Variants in NSUN6 observed in about 807,000 individuals in gnomAD.
NSUN6 encodes tRNA (cytosine(72)-C(5))-methyltransferase NSUN6.
NSUN6 carries 64 observed loss-of-function variants against 58.0 expected under a neutral mutation model. The observed-to-expected ratio is 1.10, with a 90% CI of 0.90 to 1.36. The LOEUF (loss-of-function observed/expected upper bound fraction) is 1.36. NSUN6 is among the 40% of genes most tolerant of loss of function. The pLI, the probability that NSUN6 is intolerant of heterozygous loss-of-function variation, is 0.00. For synonymous variants in NSUN6, 231 were observed against 193.9 expected, an observed-to-expected ratio of 1.19 and a Z score of -1.59; for missense variants, 701 against 550.1, an observed-to-expected ratio of 1.27 and a Z score of -2.74.
rs776075547 is a variant in NSUN6, at chr10:18,609,935, T to C, written c.576-9A>G. On this transcript the variant is annotated splice_polypyrimidine_tract_variant and intron_variant, in intron 5 of 10. Transcript: ENST00000377304. The stretch of plus-strand genomic sequence containing the variant: ...TTCTTATGCCCATGCCTCTGAAAAA[T>C]AGGAAATCTAACATTAGTCTGTATA... 6.4e-5 allele frequency: 98 copies of C among 1,532,858 alleles called. No individual in the cohort carries two copies. Among genetic ancestry groups the C allele is most frequent in the Non-Finnish European group, 8.0e-5 (88 of 1,106,592 alleles). 95.0% of individuals were successfully genotyped at this position (1,532,858 alleles called of 1,614,324 possible).
At chr10:18,602,662 G>A (rs1293249384) in intron 6 of NSUN6, among the ~76,000 whole-genome samples, 12 of 152,084 alleles carry the variant, frequency 7.9e-5, no homozygotes, top group East Asian at 1.9e-4. Flanking sequence ...GAGCCACCGC[G>A]CCCAGCCTAT....
intron 8 of NSUN6, among the ~76,000 whole-genome samples, chr10:18,571,037 C>T (rs975733967): frequency 1.3e-5 from 2 of 150,478 alleles, no homozygotes; most frequent in African/African-American, 4.9e-5. Context: ...CCATTCTCTA[C>T]TTTCCATTCC....
At chr10:18,578,069 C>T (rs1245064068) in intron 8 of NSUN6, among the ~76,000 whole-genome samples, 7 of 152,096 alleles carry the variant, frequency 4.6e-5, no homozygotes, top group East Asian at 1.9e-4. Flanking sequence ...ATTGTATATT[C>T]GAGTGCTATT....
chr10:18,595,902 A>C (rs1025308562), intron 7 of NSUN6, among the ~76,000 whole-genome samples: 2 of 152,222 alleles, frequency 1.3e-5, no homozygotes, highest in African/African-American at 4.8e-5. Context: ...ATATATTTTA[A>C]TAGTTTAAAC....
At chr10:18,629,625 T>A in intron 3 of NSUN6, among the ~76,000 whole-genome samples, 1 of 151,052 alleles carries the variant, frequency 6.6e-6, no homozygotes. Context: ...TAAAACAGAC[T>A]TTAAACCAAC....
chr10:18,652,883 A>G, upstream of NSUN6: 1 of 984,750 alleles, frequency 1.0e-6, no homozygotes, highest in Non-Finnish European at 1.2e-6. Flanking sequence ...TAAAGAGTAA[A>G]TCAAGGTTCC....
chr10:18,620,479 C>T (rs974694791), intron 3 of NSUN6, among the ~76,000 whole-genome samples: 2 of 152,312 alleles, frequency 1.3e-5, no homozygotes, highest in East Asian at 1.9e-4. Flanking sequence ...CCAACTTCTT[C>T]AGTTTCATCT....
upstream of NSUN6, chr10:18,653,401 T>G: frequency 1.3e-6 from 1 of 791,756 alleles, no homozygotes; most frequent in Non-Finnish European, 1.5e-6. Flanking sequence ...AGATGGAGTC[T>G]CATTCTGTCG....
In NSUN6 at chr10:18,548,365, G is replaced by A. The variant is rs191084123; in HGVS notation, c.1072-128C>T. The A allele has an allele frequency of 3.9e-3, 2,976 of 758,036 alleles. 5 individuals carry two copies. The highest frequency in any genetic ancestry group is 5.4e-3 in the Non-Finnish European group (2,643 of 492,050). The allele number at this position is 758,036 out of a possible 1,614,324, so 47.0% of individuals were successfully genotyped here. A position where few individuals can be genotyped will look rare whatever the true frequency, so the allele number is the denominator to read the frequency against. On this transcript the variant is annotated intron_variant, in intron 9 of 10. Coordinates refer to ENST00000377304, the MANE Select transcript of NSUN6 (RefSeq NM_182543.5). ...ATAAAATGATGTTCTATGTGACAAG[G>A]ATTCCTTCTGTAATTAGAGTATGCA...
At chr10:18,653,922 C>T (rs2059749016), upstream of NSUN6, among the ~76,000 whole-genome samples, 1 of 152,138 alleles carries the variant, frequency 6.6e-6, no homozygotes, top group South Asian at 2.1e-4. Flanking sequence ...AGGACTGAAA[C>T]AATTTTTGAT....
At position 18,548,126 on chromosome 10, in the gene NSUN6, G is replaced by GA. The variant is rs770546375; in HGVS notation, c.1182dup (p.Gln395SerfsTer22). On this transcript the variant is annotated frameshift_variant, in exon 10 of 11. Coordinates refer to ENST00000377304, the MANE Select transcript of NSUN6 (RefSeq NM_182543.5). LOFTEE classifies it high-confidence loss of function. Reference sequence around the variant, plus strand: ...ATTACTCCTACCTGGGGCTGAAGCTGAAGGCAAGGAAATTTTGTCAGGGCC... The same window carrying GA: ...ATTACTCCTACCTGGGGCTGAAGCTGAAAGGCAAGGAAATTTTGTCAGGGCC... 1.2e-6 allele frequency: 2 copies of GA among 1,613,874 alleles called. No homozygotes were observed. Among genetic ancestry groups the GA allele is most frequent in the South Asian group, 2.2e-5 (2 of 91,056 alleles).
At chr10:18,651,018 G>A in intron 1 of NSUN6, 111 bp downstream of exon 1, 1 of 1,275,138 alleles carries the variant, frequency 7.8e-7, no homozygotes, top group South Asian at 1.4e-5. Flanking sequence ...TAGACAAGTA[G>A]TAAGGAACGA....
At chr10:18,604,481 T>C (rs2057971064) in intron 6 of NSUN6, among the ~76,000 whole-genome samples, 1 of 152,156 alleles carries the variant, frequency 6.6e-6, no homozygotes, top group Admixed American at 6.5e-5. Context: ...GGAATCCAAA[T>C]TTCCTGGGAA....
chr10:18,622,511 C>T (rs536378029), intron 3 of NSUN6, among the ~76,000 whole-genome samples: 1 of 152,248 alleles, frequency 6.6e-6, no homozygotes, highest in Non-Finnish European at 1.5e-5. Flanking sequence ...GTCAGGAGTT[C>T]GAGACCAGCC....
chr10:18,554,761 G>GT (rs772008590), intron 8 of NSUN6, among the ~76,000 whole-genome samples: 47 of 151,420 alleles, frequency 3.1e-4, no homozygotes, highest in Non-Finnish European at 6.2e-4. Context: ...AGAATGGAAT[G>GT]TAATGGAGAG....
chr10:18,586,994 G>A (rs2057178708), intron 7 of NSUN6, among the ~76,000 whole-genome samples: 1 of 152,182 alleles, frequency 6.6e-6, no homozygotes, highest in Non-Finnish European at 1.5e-5. Flanking sequence ...GACCCAGGAA[G>A]TCCAGTTGGC....
At chr10:18,592,754 A>T (rs1323468129) in intron 7 of NSUN6, among the ~76,000 whole-genome samples, 1 of 152,164 alleles carries the variant, frequency 6.6e-6, no homozygotes, top group Non-Finnish European at 1.5e-5. Context: ...AACCATAAAA[A>T]CCCTAGAAGA....
At chr10:18,653,418 C>G (rs2059742523), upstream of NSUN6, 30 of 589,220 alleles carry the variant, frequency 5.1e-5, no homozygotes, top group Admixed American at 6.3e-5. Context: ...GTCGCTCAGG[C>G]TGGAGTGCAG....
chr10:18,574,465 T>C (rs966762945), intron 8 of NSUN6, among the ~76,000 whole-genome samples: 1 of 152,094 alleles, frequency 6.6e-6, no homozygotes, highest in Non-Finnish European at 1.5e-5. Context: ...TAATTTATTA[T>C]CATACAAAGG....
Sources: gnomAD v4.1 joint callset for allele counts (sites outside exome capture counted in the v4.1 genomes callset) on GRCh38, gnomAD v4.1.1 for gene constraint, MANE v1.5 for transcripts, NCBI Gene and HGNC (gene_info 2026-07-23, HGNC 2026-07-21) for gene names.